Variants in ABCG1 observed in about 807,000 individuals in gnomAD.
The protein encoded by ABCG1 is ATP-binding cassette sub-family G member 1.
ABCG1 carries 29 observed loss-of-function variants against 69.2 expected under a neutral mutation model. That is an observed-to-expected ratio of 0.42 (90% CI 0.31 to 0.57). The LOEUF (loss-of-function observed/expected upper bound fraction) is 0.57. Among genes scored for constraint, ABCG1 ranks in the 20% least tolerant of loss-of-function variants. The pLI, the probability that ABCG1 is intolerant of heterozygous loss-of-function variation, is 0.15. For missense variants in ABCG1, 718 were observed against 898.1 expected, an observed-to-expected ratio of 0.80 and a Z score of 2.56; for synonymous variants, 370 against 374.8, an observed-to-expected ratio of 0.99 and a Z score of 0.15.
Position 42,287,418 on chromosome 21 carries a change from CAG to C in ABCG1, c.974-470_974-469del, listed in dbSNP as rs2146333176. ...CAGGACCTCCAAGTCCCCAGGGTGC[CAG>C]CCACTCATGTGGCGATGGGCACGTC... On this transcript the variant is annotated intron_variant, in intron 8 of 14. Transcript: ENST00000398449. This position sits in a 1 kb window ranked among gnomAD's most constrained non-coding sequence, Gnocchi z 6.2. Among the ~76,000 whole-genome samples, 1 of 152,290 alleles carries C rather than the reference CAG, an allele frequency of 6.6e-6. No homozygotes were observed. Among genetic ancestry groups the C allele is most frequent in the South Asian group, 2.1e-4 (1 of 4,826 alleles).
intron 2 of ABCG1, among the ~76,000 whole-genome samples, chr21:42,262,977 A>G (rs375529975): frequency 2.0e-5 from 3 of 152,156 alleles, no homozygotes; most frequent in East Asian, 3.9e-4. Context: ...TGCCTCCTTC[A>G]AGGGCACATT....
intron 1 of ABCG1, among the ~76,000 whole-genome samples, chr21:42,221,965 C>T (rs1052843075): frequency 3.9e-5 from 6 of 152,188 alleles, no homozygotes; most frequent in Non-Finnish European, 7.3e-5. Flanking sequence ...CTCTGCTCAG[C>T]GCCCAGGAAA....
At position 42,287,859 on chromosome 21, in the gene ABCG1, CG is replaced by C. The variant is rs1329181993; in HGVS notation, c.974-27del. 2 of 1,529,064 alleles carry C rather than the reference CG, an allele frequency of 1.3e-6. No individual in the cohort carries two copies. The highest frequency in any genetic ancestry group is 2.8e-5 in the African/African-American group (2 of 72,030). The allele number at this position is 1,529,064 out of a possible 1,614,324, so 94.7% of individuals were successfully genotyped here. A position where few individuals can be genotyped will look rare whatever the true frequency, so the allele number is the denominator to read the frequency against. ...TGGTTGGGGTGTCCTTCCTGGAGCC[CG>C]GGCTGACCCCCGTCTGTGTCTCCTG... is the stretch of plus-strand genomic sequence containing the variant. On this transcript the variant is annotated intron_variant, in intron 8 of 14. Coordinates refer to ENST00000398449, the MANE Select transcript of ABCG1 (RefSeq NM_016818.3). This position sits in a 1 kb window ranked among gnomAD's most constrained non-coding sequence, Gnocchi z 6.2.
At chr21:42,256,439 C>G (rs1481674681) in intron 2 of ABCG1, 1 of 1,549,508 alleles carries the variant, frequency 6.5e-7, no homozygotes. Context: ...GTCAGAGTAT[C>G]CAGAGGCCGC....
intron 7 of ABCG1, 44 bp from the exon 8 acceptor site, chr21:42,285,836 A>G: frequency 7.2e-7 from 1 of 1,380,464 alleles, no homozygotes; most frequent in Non-Finnish European, 1.0e-6. Flanking sequence ...TTGCCTTCCG[A>G]GGAAGGCAGG....
At chr21:42,289,446 G>C (rs1040225962) in intron 10 of ABCG1, among the ~76,000 whole-genome samples, 1 of 152,230 alleles carries the variant, frequency 6.6e-6, no homozygotes, top group Non-Finnish European at 1.5e-5. Context: ...AACCAGGGCT[G>C]TAGGCGAGTC....
At chr21:42,232,999 C>T (rs2067922752) in intron 2 of ABCG1, among the ~76,000 whole-genome samples, 1 of 152,214 alleles carries the variant, frequency 6.6e-6, no homozygotes, top group Admixed American at 6.5e-5. Context: ...TCATCAAACT[C>T]AGTTGATGAA....
At chr21:42,284,292 C>A (rs980356407) in intron 6 of ABCG1, among the ~76,000 whole-genome samples, 3 of 152,178 alleles carry the variant, frequency 2.0e-5, no homozygotes, top group African/African-American at 4.8e-5. Context: ...GGGACCCCCC[C>A]CCAGTCCTGG....
At chr21:42,225,060 T>C (rs771852439) in intron 1 of ABCG1, among the ~76,000 whole-genome samples, 2 of 152,142 alleles carry the variant, frequency 1.3e-5, no homozygotes, top group African/African-American at 4.8e-5. Flanking sequence ...TTGTCTAACA[T>C]ATTAAAAAAT....
In ABCG1 at chr21:42,291,391, A is replaced by G; in HGVS notation, c.1495-107A>G. On this transcript the variant is annotated intron_variant, in intron 12 of 14. Transcript: ENST00000398449. This position sits in a 1 kb window ranked among gnomAD's most constrained non-coding sequence, Gnocchi z 6.4. ...GAGTGGGGAAGGACCCGACTTTGGG[A>G]GCTCTGGCGGGAGCTGCGGGGAAGG... 1 of 1,470,214 alleles carries G rather than the reference A, an allele frequency of 6.8e-7. No homozygotes were observed. The highest frequency in any genetic ancestry group is 1.3e-5 in the South Asian group (1 of 78,060). The allele number at this position is 1,470,214 out of a possible 1,614,324, so 91.1% of individuals were successfully genotyped here. A position where few individuals can be genotyped will look rare whatever the true frequency, so the allele number is the denominator to read the frequency against.
intron 2 of ABCG1, among the ~76,000 whole-genome samples, chr21:42,269,638 C>G (rs1436947525): frequency 6.6e-6 from 1 of 152,244 alleles, no homozygotes; most frequent in Non-Finnish European, 1.5e-5. Flanking sequence ...AGCTTCCTGA[C>G]TGGCTTCCGC....
chr21:42,246,547 T>C (rs778078831), intron 2 of ABCG1, among the ~76,000 whole-genome samples: 4 of 152,258 alleles, frequency 2.6e-5, no homozygotes, highest in Non-Finnish European at 4.4e-5. Context: ...CTTCATCATT[T>C]TTCCTTTCAG....
chr21:42,200,027 A>G (rs1456177094), intron 1 of ABCG1, among the ~76,000 whole-genome samples: 2 of 152,238 alleles, frequency 1.3e-5, no homozygotes, highest in Non-Finnish European at 2.9e-5. Context: ...TACCAGTCAG[A>G]CACCAAATAT....
chr21:42,266,215 C>T (rs991685909), intron 2 of ABCG1, among the ~76,000 whole-genome samples: 3 of 152,038 alleles, frequency 2.0e-5, no homozygotes, highest in South Asian at 2.1e-4. Context: ...GCAGGAGAAT[C>T]GCTTGAACCC....
intron 2 of ABCG1, among the ~76,000 whole-genome samples, chr21:42,257,757 A>G (rs1277060598): frequency 6.6e-6 from 1 of 152,234 alleles, no homozygotes; most frequent in Non-Finnish European, 1.5e-5. Flanking sequence ...CTGCATACAC[A>G]GTCCCAAGAG....
At chr21:42,294,477 G>C in intron 13 of ABCG1, 65 bp from the exon 14 acceptor site, 1 of 1,345,932 alleles carries the variant, frequency 7.4e-7, no homozygotes, top group Admixed American at 1.7e-5. Context: ...GCGTGGGCGA[G>C]CCTCCTCTGC....
intron 2 of ABCG1, among the ~76,000 whole-genome samples, chr21:42,258,727 G>C (rs575347999): frequency 1.3e-5 from 2 of 152,276 alleles, no homozygotes; most frequent in South Asian, 4.1e-4. Context: ...CCTCTCAGGG[G>C]AGTAGGGCGC....
chr21:42,296,013 G>A lies in ABCG1; in HGVS notation c.1773-151G>A, dbSNP rs1030983984. 2 of 638,248 alleles carry A rather than the reference G, an allele frequency of 3.1e-6. No individual in the cohort carries two copies. The highest frequency in any genetic ancestry group is 5.6e-6 in the Non-Finnish European group (2 of 354,398). The allele number at this position is 638,248 out of a possible 1,614,324, so 39.5% of individuals were successfully genotyped here. ...CGTGTTTGTCTTAAGAAGGTGGTGG[G>A]CGGTGAGGAAGTATTCTGGGGAAGG... On this transcript the variant is annotated intron_variant, in intron 14 of 14. Coordinates refer to ENST00000398449, the MANE Select transcript of ABCG1 (RefSeq NM_016818.3). This position sits in a 1 kb window ranked among gnomAD's most constrained non-coding sequence, Gnocchi z 5.4.
rs527267427 is a variant in ABCG1 at position 42,271,064 on chromosome 21, T to C, written c.287-6T>C. 9.4e-6 allele frequency: 14 copies of C among 1,486,506 alleles called. No homozygotes were observed. The South Asian group carries it at 1.9e-4, about 20-fold the overall frequency. 92.1% of individuals were successfully genotyped at this position (1,486,506 alleles called of 1,614,324 possible). A position where few individuals can be genotyped will look rare whatever the true frequency, so the allele number is the denominator to read the frequency against. ...ATGAATATGAATATGATCTGCTTTT[T>C]TGCAGGATACAAGACCCTCCTGAAA... On this transcript the variant is annotated splice_polypyrimidine_tract_variant and splice_region_variant and intron_variant, in intron 2 of 14. Coordinates refer to ENST00000398449, the MANE Select transcript of ABCG1 (RefSeq NM_016818.3).
Sources: gnomAD v4.1 joint callset for allele counts (sites outside exome capture counted in the v4.1 genomes callset) on GRCh38, gnomAD v4.1.1 for gene constraint, Gnocchi (gnomAD v3.1) non-coding constraint, MANE v1.5 for transcripts, NCBI Gene and HGNC (gene_info 2026-07-23, HGNC 2026-07-21) for gene names.